NDUFAF6: variants seen among roughly 807,000 people sequenced by gnomAD.
NDUFAF6 encodes NADH:ubiquinone oxidoreductase complex assembly factor 6, also known as NADH dehydrogenase (ubiquinone) complex I, assembly factor 6.
A neutral mutation model predicts 40.8 loss-of-function variants in NDUFAF6; 45 were observed. The ratio of observed to expected loss-of-function variants is 1.10; its 90% confidence interval spans 0.87 to 1.42. The LOEUF is 1.42. NDUFAF6 is among the 40% of genes most tolerant of loss of function. The probability of loss-of-function intolerance (pLI) is 0.00; values close to 1 mark genes in which losing one functional copy is unlikely to be tolerated. For synonymous variants in NDUFAF6, 185 were observed against 155.9 expected, an observed-to-expected ratio of 1.19 and a Z score of -1.39; for missense variants, 435 against 418.5, an observed-to-expected ratio of 1.04 and a Z score of -0.34.
downstream of NDUFAF6, among the ~76,000 whole-genome samples, chr8:95,117,849 C>G (rs191559496): frequency 1.6e-4 from 24 of 152,344 alleles, no homozygotes; most frequent in South Asian, 2.3e-3. Flanking sequence ...CACTGAGTCA[C>G]TGCATGGATA....
intron 4 of NDUFAF6, among the ~76,000 whole-genome samples, chr8:95,109,162 C>A (rs1457425294): frequency 6.6e-6 from 1 of 152,178 alleles, no homozygotes; most frequent in Non-Finnish European, 1.5e-5. Context: ...CTAAATCCCC[C>A]CAAAGCTTCT....
chr8:95,028,627 C>G (rs1245631891), intron 1 of NDUFAF6, among the ~76,000 whole-genome samples: 1 of 152,128 alleles, frequency 6.6e-6, no homozygotes, highest in Non-Finnish European at 1.5e-5. Context: ...CTCTAAGAAG[C>G]TTGAAGTACT....
intron 1 of NDUFAF6, among the ~76,000 whole-genome samples, chr8:94,977,689 G>A (rs1206284655): frequency 6.6e-6 from 1 of 151,960 alleles, no homozygotes; most frequent in African/African-American, 2.4e-5. Context: ...TTCAGCTCTT[G>A]GACTCTGGAA....
At chr8:95,058,817 CA>C (rs2132008206), downstream of NDUFAF6, 1 of 969,358 alleles carries the variant, frequency 1.0e-6, no homozygotes, top group South Asian at 4.8e-5. Flanking sequence ...TGAAATGAGG[CA>C]CATTTTTGTT....
chr8:95,000,521 T>C (rs1057132092), intron 2 of NDUFAF6, among the ~76,000 whole-genome samples: 3 of 152,078 alleles, frequency 2.0e-5, no homozygotes, highest in Non-Finnish European at 4.4e-5. Context: ...CATATTCTAA[T>C]CTTTTTATTA....
At chr8:95,108,191 T>G (rs930297376), downstream of NDUFAF6, among the ~76,000 whole-genome samples, 1 of 152,150 alleles carries the variant, frequency 6.6e-6, no homozygotes, top group African/African-American at 2.4e-5. Context: ...AATTACAATT[T>G]TATCTAGTAA....
downstream of NDUFAF6, among the ~76,000 whole-genome samples, chr8:95,105,066 C>CAG (rs55705930): frequency 0.02 from 1,454 of 72,820 alleles, 32 homozygotes; most frequent in Non-Finnish European, 0.033. Flanking sequence ...CACACACACA[C>CAG]AGAGAGAGAG....
chr8:95,006,894 T>C lies in NDUFAF6; in HGVS notation c.-83-25101T>C, dbSNP rs182367136. Among the ~76,000 whole-genome samples the C allele has an allele frequency of 2.5e-3, 381 of 151,880 alleles. 4 individuals carry two copies. The highest frequency in any genetic ancestry group is 8.8e-3 in the African/African-American group (363 of 41,398). ...CCAGACTTGTCTCAAAAGAAAAGCA[T>C]ACTTTAAAGGTGCAATATTGTATAT... On this transcript the variant is annotated intron_variant, in intron 2 of 9. Coordinates refer to the NDUFAF6 transcript ENST00000396111.
chr8:95,095,933 G>C (rs953804928), upstream of NDUFAF6, among the ~76,000 whole-genome samples: 3 of 152,190 alleles, frequency 2.0e-5, no homozygotes, highest in African/African-American at 7.2e-5. Context: ...CTAAAGTACT[G>C]AGATTACAGG....
At chr8:94,920,795 G>A (rs1394407460) in intron 1 of NDUFAF6, among the ~76,000 whole-genome samples, 1 of 152,160 alleles carries the variant, frequency 6.6e-6, no homozygotes, top group Non-Finnish European at 1.5e-5. Context: ...TGAGCATCCC[G>A]CAGCTGCCTC....
At chr8:95,016,201 A>C (rs1827437988) in intron 2 of NDUFAF6, among the ~76,000 whole-genome samples, 1 of 152,204 alleles carries the variant, frequency 6.6e-6, no homozygotes, top group South Asian at 2.1e-4. Flanking sequence ...CAAAAGGTAG[A>C]ATTTATTAAA....
At chr8:95,047,745 G>A (rs550309051) in intron 6 of NDUFAF6, among the ~76,000 whole-genome samples, 2 of 151,784 alleles carry the variant, frequency 1.3e-5, no homozygotes, top group African/African-American at 4.8e-5. Context: ...TCCTGAACTC[G>A]TGATTCGCTT....
upstream of NDUFAF6, chr8:95,024,906 C>T: frequency 9.6e-7 from 1 of 1,039,634 alleles, no homozygotes; most frequent in Non-Finnish European, 1.2e-6. Context: ...CCAGAGGCTG[C>T]CTTCCCGCGA....
At chr8:95,106,377 T>C (rs561423516), downstream of NDUFAF6, among the ~76,000 whole-genome samples, 7 of 151,366 alleles carry the variant, frequency 4.6e-5, no homozygotes, top group East Asian at 1.2e-3. Context: ...AAACAAGAAA[T>C]GGGGAAAGGA....
intron 2 of NDUFAF6, among the ~76,000 whole-genome samples, chr8:95,014,365 G>A (rs966804823): frequency 6.6e-6 from 1 of 152,204 alleles, no homozygotes. Flanking sequence ...GTGGGAGAAT[G>A]CTTGGCATGT....
At chr8:95,055,301 A>G (rs1168826014) in intron 8 of NDUFAF6, 2 of 152,222 alleles carry the variant, frequency 1.3e-5, no homozygotes, top group African/African-American at 4.8e-5. Context: ...ACACAAATTC[A>G]TGAAGCATTC....
chr8:95,044,721 G>A (rs1468514693), intron 4 of NDUFAF6: 1 of 150,994 alleles, frequency 6.6e-6, no homozygotes, highest in Non-Finnish European at 1.5e-5. Flanking sequence ...CTCCCAAAGT[G>A]CTTGGATTAC....
At chr8:95,083,196 A>T (rs1304632207) in intron 2 of NDUFAF6, among the ~76,000 whole-genome samples, 1 of 152,112 alleles carries the variant, frequency 6.6e-6, no homozygotes, top group African/African-American at 2.4e-5. Context: ...AATTTTTTTG[A>T]TCCCTAACAG....
chr8:94,989,049 A>C (rs1826074153), intron 2 of NDUFAF6: 1 of 152,248 alleles, frequency 6.6e-6, no homozygotes, highest in African/African-American at 2.4e-5. Flanking sequence ...GAAATGTTCC[A>C]AAATTGATTG....
Sources: gnomAD v4.1 joint callset for allele counts (sites outside exome capture counted in the v4.1 genomes callset) on GRCh38, gnomAD v4.1.1 for gene constraint, MANE v1.5 for transcripts, NCBI Gene and HGNC (gene_info 2026-07-23, HGNC 2026-07-21) for gene names.